Variants in CCDC86 observed in about 807,000 individuals in gnomAD.
CCDC86 encodes the protein coiled-coil domain containing 86, also known as coiled-coil domain-containing protein 86.
In CCDC86, 28 loss-of-function variants were observed where a neutral mutation model predicts 36.7. The observed-to-expected ratio is 0.76, with a 90% CI of 0.57 to 1.05. CCDC86 has a LOEUF of 1.05. Ranked by LOEUF, CCDC86 falls within the 50% of genes least tolerant of loss-of-function variation. The pLI is 0.00. For missense variants in CCDC86, 453 were observed against 470.2 expected (o/e 0.96, Z 0.34); for synonymous variants, 199 against 203.4 (o/e 0.98, Z 0.18).
Position 60,850,465 on chromosome 11 carries a change from C to G in CCDC86, c.*140C>G. 8.3e-7 allele frequency: 1 copy of G among 1,201,148 alleles called. No homozygotes were observed. The highest frequency in any genetic ancestry group is 1.1e-6 in the Non-Finnish European group (1 of 881,158). The allele number at this position is 1,201,148 out of a possible 1,614,324, so 74.4% of individuals were successfully genotyped here. ...AGGGACCCCCACCCCGACCGGGGCT[C>G]CTCGGCCTTTGAAGGCTTCCAGGCA... is the stretch of plus-strand genomic sequence containing the variant. On this transcript the variant is annotated 3_prime_UTR_variant, in exon 4 of 4. Coordinates refer to ENST00000227520, the MANE Select transcript of CCDC86 (RefSeq NM_024098.4).
In CCDC86 at chr11:60,842,721, T is replaced by A; in HGVS notation, c.597T>A (p.Pro199=). The A allele has an allele frequency of 6.2e-7, 1 of 1,613,598 alleles. No homozygotes were observed. Among genetic ancestry groups the A allele is most frequent in the Non-Finnish European group, 8.5e-7 (1 of 1,179,744 alleles). Residue 199 remains proline (P), a synonymous_variant, in exon 1 of 4, where the codon CCT becomes CCA. Coordinates refer to ENST00000227520, the MANE Select transcript of CCDC86 (RefSeq NM_024098.4). The part of the protein sequence containing the change: ...PRGQHEPSKP[P]PAGETVTGGF... The stretch of plus-strand genomic sequence containing the variant: ...GTCAGCATGAGCCGAGCAAGCCACC[T>A]CCAGCTGGGGAGACGGTGACAGGCG...
chr11:60,844,181 G>C (rs997077818), intron 1 of CCDC86, among the ~76,000 whole-genome samples: 2 of 152,166 alleles, frequency 1.3e-5, no homozygotes, highest in African/African-American at 4.8e-5. Flanking sequence ...CTGAGCTAGA[G>C]GGGGCTGGGC....
In CCDC86 at chr11:60,847,905, C is replaced by G. The variant is rs1478584000; in HGVS notation, c.759-19C>G. On this transcript the variant is annotated intron_variant, in intron 1 of 3. Coordinates refer to ENST00000227520, the MANE Select transcript of CCDC86 (RefSeq NM_024098.4). ...GCTTGCCCCACAGACCCTGTATGCACCCACTCTCCCCCTTTCAGATTCTCC... is the reference window on the plus strand; with the variant it reads ...GCTTGCCCCACAGACCCTGTATGCAGCCACTCTCCCCCTTTCAGATTCTCC... 1 of 1,604,548 alleles carries G rather than the reference C, an allele frequency of 6.2e-7. No homozygotes were observed. Among genetic ancestry groups the G allele is most frequent in the Admixed American group, 1.7e-5 (1 of 59,596 alleles).
intron 1 of CCDC86, among the ~76,000 whole-genome samples, chr11:60,843,905 CA>C (rs1304249090): frequency 1.3e-5 from 2 of 152,190 alleles, no homozygotes; most frequent in African/African-American, 4.8e-5. Context: ...CCTGATGAAA[CA>C]GAAGAAACTG....
chr11:60,850,196 C>A lies in CCDC86; in HGVS notation c.964-10C>A, dbSNP rs368987272. 130 of 1,614,012 alleles carry A rather than the reference C, an allele frequency of 8.1e-5. No homozygotes were observed. The highest frequency in any genetic ancestry group is 3.3e-4 in the Middle Eastern group (2 of 6,084). On this transcript the variant is annotated splice_polypyrimidine_tract_variant and intron_variant, in intron 3 of 3. Coordinates refer to ENST00000227520, the MANE Select transcript of CCDC86 (RefSeq NM_024098.4). ...GCTGCACTAATGTCCTCCCCTCATACCACCCCCAGATCCGAAACCCCGCCA... is the reference window on the plus strand; with the variant it reads ...GCTGCACTAATGTCCTCCCCTCATAACACCCCCAGATCCGAAACCCCGCCA...
Position 60,842,616 on chromosome 11 carries a change from C to G in CCDC86, c.492C>G (p.Tyr164Ter), listed in dbSNP as rs1428440726. Residue 164 changes from tyrosine (Y) to a stop codon, truncating the protein, a stop_gained, in exon 1 of 4, where the codon TAC becomes TAG. Coordinates refer to ENST00000227520, the MANE Select transcript of CCDC86 (RefSeq NM_024098.4). LOFTEE classifies it high-confidence loss of function. ...CGGTCCCAGGATCACCAGAGCCTTA[C>G]CCCGGTCAGCAAGCTCCCGGTCCGG... Reference protein sequence around the residue: ...LPPVPGSPEPYPGQQAPGPEP... With the variant: ...LPPVPGSPEP The G allele has an allele frequency of 1.2e-6, 2 of 1,613,526 alleles. No homozygotes were observed. Among genetic ancestry groups the G allele is most frequent in the Non-Finnish European group, 1.7e-6 (2 of 1,179,916 alleles).
rs1344476163 is a variant in CCDC86, at chr11:60,850,247, G to A, written c.1005G>A (p.Gln335=). 1 of 1,614,108 alleles carries A rather than the reference G, an allele frequency of 6.2e-7. No individual in the cohort carries two copies. Among genetic ancestry groups the A allele is most frequent in the Non-Finnish European group, 8.5e-7 (1 of 1,180,052 alleles). The change falls in exon 4 of 4, where the codon CAG becomes CAA. Residue 335 remains glutamine, a synonymous_variant. Transcript: ENST00000227520. ...PAKLKRAKKK[Q]LRSIEKRDTL... ...AGCTCAAGCGGGCAAAGAAGAAGCA[G>A]CTGCGCTCCATTGAGAAGCGGGACA...
At position 60,847,986 on chromosome 11, in the gene CCDC86, G is replaced by A. The variant is rs370580113; in HGVS notation, c.821G>A (p.Arg274Gln). Residue 274 changes from arginine to glutamine, a missense_variant, in exon 2 of 4, where the codon CGA becomes CAA. Arg to Gln is a conservative substitution (Grantham distance 43, BLOSUM62 1). Coordinates refer to ENST00000227520, the MANE Select transcript of CCDC86 (RefSeq NM_024098.4). ...TCGTGGCAGCGGAAGATGAAGGAAC[G>A]ACAGGAGAGGAAGCTGGCCAAGGAC... ...RTSWQRKMKE[R>Q]QERKLAKDFA... 12 of 1,613,606 alleles carry A rather than the reference G, an allele frequency of 7.4e-6. No homozygotes were observed. The highest frequency in any genetic ancestry group is 6.7e-5 in the Admixed American group (4 of 59,984).
At position 60,848,061 on chromosome 11, in the gene CCDC86, G is replaced by A; in HGVS notation, c.888+8G>A. On this transcript the variant is annotated splice_region_variant and intron_variant, in intron 2 of 3. Coordinates refer to ENST00000227520, the MANE Select transcript of CCDC86 (RefSeq NM_024098.4). The stretch of plus-strand genomic sequence containing the variant: ...AAGGAGAGGCGCCGCCAGGTGAGGG[G>A]CCAGCCAGGCTGAGGCTGGGGCTCA... The A allele has an allele frequency of 6.2e-7, 1 of 1,611,438 alleles. No homozygotes were observed. Among genetic ancestry groups the A allele is most frequent in the Non-Finnish European group, 8.5e-7 (1 of 1,178,444 alleles).
chr11:60,843,216 G>A (rs1378777994), intron 1 of CCDC86, among the ~76,000 whole-genome samples: 1 of 152,194 alleles, frequency 6.6e-6, no homozygotes, highest in Non-Finnish European at 1.5e-5. Flanking sequence ...AAGTAAACCA[G>A]CCATTACTTG....
rs199916461 is a variant in CCDC86, at chr11:60,850,314, G to C, written c.1072G>C (p.Ala358Pro). Reference protein sequence around the residue: ...LQKQPPQQPAAKI With the variant: ...LQKQPPQQPAPKI Reference sequence around the variant, plus strand: ...GAAGCAGCCGCCCCAGCAGCCGGCAGCCAAGATCTGAGCTCAGGACGGCCC... The same window carrying C: ...GAAGCAGCCGCCCCAGCAGCCGGCACCCAAGATCTGAGCTCAGGACGGCCC... Residue 358 changes from alanine to proline, a missense_variant, in exon 4 of 4, where the codon GCC becomes CCC. Coordinates refer to ENST00000227520, the MANE Select transcript of CCDC86 (RefSeq NM_024098.4). The C allele has an allele frequency of 5.0e-5, 80 of 1,614,026 alleles. No individual in the cohort carries two copies. The highest frequency in any genetic ancestry group is 6.3e-5 in the Non-Finnish European group (74 of 1,179,990).
intron 1 of CCDC86, among the ~76,000 whole-genome samples, chr11:60,845,765 C>T (rs903197471): frequency 1.1e-4 from 16 of 152,204 alleles, no homozygotes; most frequent in African/African-American, 3.6e-4. Flanking sequence ...TCTCCCACCA[C>T]CCTTTGGGTT....
intron 2 of CCDC86, among the ~76,000 whole-genome samples, 174 bp from the exon 3 acceptor site, chr11:60,849,766 G>A (rs1855231754): frequency 6.6e-6 from 1 of 152,176 alleles, no homozygotes; most frequent in Admixed American, 6.5e-5. Flanking sequence ...CCTGGCACTA[G>A]ACCGTGGCAC....
intron 2 of CCDC86, among the ~76,000 whole-genome samples, chr11:60,849,199 A>G (rs992988924): frequency 1.3e-5 from 2 of 152,202 alleles, no homozygotes; most frequent in Non-Finnish European, 2.9e-5. Flanking sequence ...GCTAGAGAGC[A>G]CTGGGCTTCC....
Position 60,849,920 on chromosome 11 carries a change from CCTT to C in CCDC86, c.889-17_889-15del. ...TGCCTCTGCTCCCCGACTCAAATCC[CCTT>C]CTCCCACATGTTCCAGGAGAAGAAA... is the stretch of plus-strand genomic sequence containing the variant. On this transcript the variant is annotated splice_polypyrimidine_tract_variant and intron_variant, in intron 2 of 3. Transcript: ENST00000227520. The C allele has an allele frequency of 6.2e-7, 1 of 1,609,914 alleles. No homozygotes were observed. The highest frequency in any genetic ancestry group is 8.5e-7 in the Non-Finnish European group (1 of 1,177,194).
In CCDC86 at chr11:60,842,234, C is replaced by T. The variant is rs373345557; in HGVS notation, c.110C>T (p.Ser37Leu). The T allele has an allele frequency of 6.2e-7, 1 of 1,613,358 alleles. No individual in the cohort carries two copies. Among genetic ancestry groups the T allele is most frequent in the African/African-American group, 1.3e-5 (1 of 75,028 alleles). ...RTRRALVEFE[S>L]NPEETREPGS... ...AGACGGGCCCTTGTGGAGTTCGAGTCGAACCCAGAAGAAACGAGGGAGCCC... is the reference window on the plus strand; with the variant it reads ...AGACGGGCCCTTGTGGAGTTCGAGTTGAACCCAGAAGAAACGAGGGAGCCC... The change falls in exon 1 of 4, where the codon TCG (serine) becomes TTG (leucine). Residue 37 changes from serine to leucine, a missense_variant. Coordinates refer to ENST00000227520, the MANE Select transcript of CCDC86 (RefSeq NM_024098.4).
At chr11:60,844,433 A>G (rs940081745) in intron 1 of CCDC86, among the ~76,000 whole-genome samples, 6 of 151,924 alleles carry the variant, frequency 3.9e-5, no homozygotes, top group African/African-American at 1.5e-4. Flanking sequence ...GAGCTTCCAC[A>G]CTGTTGTCCC....
Position 60,850,265 on chromosome 11 carries a change from G to C in CCDC86, c.1023G>C (p.Lys341Asn). Residue 341 changes from lysine (K) to asparagine (N), a missense_variant, in exon 4 of 4, where the codon AAG becomes AAC. Transcript: ENST00000227520. Reference sequence around the variant, plus strand: ...AGAAGCAGCTGCGCTCCATTGAGAAGCGGGACACCCTGGCCCTGCTGCAGA... The same window carrying C: ...AGAAGCAGCTGCGCTCCATTGAGAACCGGGACACCCTGGCCCTGCTGCAGA... ...AKKKQLRSIEKRDTLALLQKQ... is the reference protein window; with the variant it reads ...AKKKQLRSIENRDTLALLQKQ... The C allele has an allele frequency of 6.2e-7, 1 of 1,614,218 alleles. No homozygotes were observed. Among genetic ancestry groups the C allele is most frequent in the Non-Finnish European group, 8.5e-7 (1 of 1,180,038 alleles).
In CCDC86 at chr11:60,847,970, C is replaced by G. The variant is rs369561736; in HGVS notation, c.805C>G (p.Arg269Gly). 2 of 1,613,324 alleles carry G rather than the reference C, an allele frequency of 1.2e-6. No homozygotes were observed. Among genetic ancestry groups the G allele is most frequent in the South Asian group, 2.2e-5 (2 of 91,044 alleles). The change falls in exon 2 of 4, where the codon CGG becomes GGG. Residue 269 changes from arginine (R) to glycine (G), a missense_variant. Arg to Gly is a moderately radical substitution (Grantham distance 125). Transcript: ENST00000227520. ...QDKPLRTSWQ[R>G]KMKERQERKL... is the part of the protein sequence containing the mutation. Reference sequence around the variant, plus strand: ...CAAGCCCCTGCGCACATCGTGGCAGCGGAAGATGAAGGAACGACAGGAGAG... The same window carrying G: ...CAAGCCCCTGCGCACATCGTGGCAGGGGAAGATGAAGGAACGACAGGAGAG...
Sources: allele counts gnomAD v4.1 joint callset (sites outside exome capture counted in the v4.1 genomes callset), GRCh38; gene constraint gnomAD v4.1.1; transcripts MANE v1.5; gene names NCBI Gene and HGNC (gene_info 2026-07-23, HGNC 2026-07-21).